The following MAOB variants were observed in gnomAD, a reference collection of about 807,000 sequenced individuals.
MAOB encodes the protein monoamine oxidase B, also known as amine oxidase [flavin-containing] B.
MAOB carries 15 observed loss-of-function variants against 41.9 expected under a neutral mutation model. The observed-to-expected ratio is 0.36, with a 90% CI of 0.24 to 0.55. The LOEUF (loss-of-function observed/expected upper bound fraction) is 0.55, where lower values mean the gene tolerates loss of function less well. Among genes scored for constraint, MAOB ranks in the 20% least tolerant of loss-of-function variants. MAOB has a pLI of 0.86. For missense variants in MAOB, 345 were observed against 398.7 expected (o/e 0.87, Z 1.15); for synonymous variants, 167 against 144.2 (o/e 1.16, Z -1.13).
At chrX:43,860,258 T>C (rs906684407) in intron 1 of MAOB, among the ~76,000 whole-genome samples, 3 of 112,167 alleles carry the variant, frequency 2.7e-5, no homozygotes, top group Middle Eastern at 9.3e-3. Context: ...GCCTTGAAAC[T>C]TCAGACTTGA....
chrX:43,829,168 G>C (rs1383211580), intron 3 of MAOB, among the ~76,000 whole-genome samples: 1 of 112,217 alleles, frequency 8.9e-6, no homozygotes, highest in East Asian at 2.8e-4. Flanking sequence ...GCTCCAGGTC[G>C]CTCTGCAGTT....
At chrX:43,874,655 T>C (rs781698865) in intron 1 of MAOB, among the ~76,000 whole-genome samples, 2 of 111,577 alleles carry the variant, frequency 1.8e-5, no homozygotes, top group East Asian at 5.6e-4. Context: ...CAAGCTGGAC[T>C]TTCTACTGTC....
At chrX:43,802,394 T>C in intron 4 of MAOB, 131 bp from the exon 5 acceptor site, 1 of 482,109 alleles carries the variant, frequency 2.1e-6, no homozygotes. Flanking sequence ...AGAGGAAAAA[T>C]GTTAAGTTTT....
At chrX:43,851,328 T>C (rs1419063391) in intron 1 of MAOB, among the ~76,000 whole-genome samples, 1 of 111,844 alleles carries the variant, frequency 8.9e-6, no homozygotes, top group East Asian at 2.8e-4. Context: ...GCCATGATCA[T>C]TTCCTTTTTT....
intron 3 of MAOB, among the ~76,000 whole-genome samples, chrX:43,810,222 G>A (rs1276719306): frequency 1.4e-5 from 1 of 71,310 alleles, no homozygotes; most frequent in Non-Finnish European, 2.3e-5. Flanking sequence ...CAGCCTGGGC[G>A]ACAGAGCGAG....
At chrX:43,812,057 T>C (rs969569421) in intron 3 of MAOB, among the ~76,000 whole-genome samples, 25 of 111,986 alleles carry the variant, frequency 2.2e-4, no homozygotes, top group African/African-American at 7.5e-4. Flanking sequence ...TTCAATTGTT[T>C]TGATTTTTAG....
intron 3 of MAOB, among the ~76,000 whole-genome samples, chrX:43,835,787 G>A (rs1156950314): frequency 8.9e-6 from 1 of 111,885 alleles, no homozygotes; most frequent in East Asian, 2.8e-4. Context: ...TTTCATGTGG[G>A]TAGTTAGTCC....
intron 1 of MAOB, among the ~76,000 whole-genome samples, chrX:43,857,256 C>T (rs1326817285): frequency 9.7e-6 from 1 of 103,162 alleles, no homozygotes; most frequent in Non-Finnish European, 2.0e-5. Flanking sequence ...TCTCAGCTCA[C>T]CGCAACCTCT....
In MAOB at chrX:43,797,245, A is replaced by G. The variant is rs1328572359; in HGVS notation, c.498T>C (p.Thr166=). 1.8e-5 allele frequency: 21 copies of G among 1,197,636 alleles called. No individual in the cohort carries two copies. The highest frequency in any genetic ancestry group is 2.4e-5 in the Non-Finnish European group (21 of 889,148). Residue 166 remains threonine (T), a synonymous_variant, in exon 6 of 15, where the codon ACT becomes ACC. Coordinates refer to ENST00000378069, the MANE Select transcript of MAOB (RefSeq NM_000898.5). Reference sequence around the variant, plus strand: ...CAGTGACACACAGGTTCACAAAGAGAGTGGCAAGCTGCTTTGCAGATCTGC... The same window carrying G: ...CAGTGACACACAGGTTCACAAAGAGGGTGGCAAGCTGCTTTGCAGATCTGC... ...CWTESAKQLA[T]LFVNLCVTAE... is the part of the protein sequence containing the mutation.
rs1601958324 is a variant in MAOB at position 43,767,488 on chromosome X, C to G, written c.1541G>C (p.Arg514Thr). The G allele has an allele frequency of 8.3e-7, 1 of 1,208,407 alleles. No individual in the cohort carries two copies. Among genetic ancestry groups the G allele is most frequent in the African/African-American group, 1.8e-5 (1 of 57,031 alleles). Reference sequence around the variant, plus strand: ...TCTTTAGACTCTCACAAGTAGCCCCCTTTTGTGGGCCAGGAAGCCAAGAGC... The same window carrying G: ...TCTTTAGACTCTCACAAGTAGCCCCGTTTTGTGGGCCAGGAAGCCAAGAGC... ...ATALGFLAHK[R>T]GLLVRV Residue 514 changes from arginine to threonine, a missense_variant, in exon 15 of 15, where the codon AGG becomes ACG. Coordinates refer to ENST00000378069, the MANE Select transcript of MAOB (RefSeq NM_000898.5).
intron 1 of MAOB, among the ~76,000 whole-genome samples, chrX:43,857,724 G>C (rs148972248): frequency 1.8e-5 from 2 of 111,082 alleles, no homozygotes; most frequent in African/African-American, 6.6e-5. Flanking sequence ...GCCTGGACTT[G>C]TCTCGGAGTC....
At chrX:43,770,447 G>A (rs771504423) in intron 12 of MAOB, among the ~76,000 whole-genome samples, 1 of 111,530 alleles carries the variant, frequency 9.0e-6, no homozygotes, top group Non-Finnish European at 1.9e-5. Flanking sequence ...TCTGCTTCCT[G>A]GAACCTAACC....
intron 12 of MAOB, among the ~76,000 whole-genome samples, chrX:43,774,379 G>A (rs1030211940): frequency 8.0e-5 from 9 of 111,808 alleles, no homozygotes; most frequent in African/African-American, 2.9e-4. Context: ...GTTTTGAATA[G>A]GTGAATTGTA....
intron 2 of MAOB, 138 bp downstream of exon 2, chrX:43,843,532 G>T: frequency 2.0e-6 from 1 of 500,359 alleles, no homozygotes; most frequent in Non-Finnish European, 3.2e-6. Flanking sequence ...TGGGAGAGAG[G>T]CTGTGAAGAA....
At chrX:43,773,725 TA>T (rs1467448230) in intron 12 of MAOB, among the ~76,000 whole-genome samples, 2 of 111,811 alleles carry the variant, frequency 1.8e-5, no homozygotes, top group Non-Finnish European at 3.8e-5. Context: ...CTGATGGTTT[TA>T]AAAACGGGAG....
chrX:43,839,827 C>T (rs1376670908), intron 2 of MAOB, among the ~76,000 whole-genome samples: 1 of 112,151 alleles, frequency 8.9e-6, no homozygotes, highest in African/African-American at 3.2e-5. Flanking sequence ...ACTAAACCAG[C>T]TTCTTTACGT....
intron 2 of MAOB, among the ~76,000 whole-genome samples, chrX:43,840,755 G>A (rs1314832022): frequency 9.0e-6 from 1 of 111,022 alleles, no homozygotes; most frequent in East Asian, 2.8e-4. Context: ...AGTGCATTCT[G>A]GCCCAGATAC....
chrX:43,837,896 A>G (rs1440635057), intron 3 of MAOB: 1 of 328,896 alleles, frequency 3.0e-6, no homozygotes, highest in Non-Finnish European at 5.9e-6. Context: ...AGAGAACATG[A>G]GTGACTTTGT....
At chrX:43,784,802 G>C (rs1269200920) in intron 8 of MAOB, among the ~76,000 whole-genome samples, 8 of 112,164 alleles carry the variant, frequency 7.1e-5, no homozygotes, top group African/African-American at 2.6e-4. Context: ...AGCTATGAAA[G>C]TCCTAGATGG....
Sources: allele counts gnomAD v4.1 joint callset (sites outside exome capture counted in the v4.1 genomes callset), GRCh38; gene constraint gnomAD v4.1.1; transcripts MANE v1.5; gene names NCBI Gene and HGNC (gene_info 2026-07-23, HGNC 2026-07-21).